Variants in ZBTB7C observed in about 807,000 individuals in gnomAD.
The protein encoded by ZBTB7C is zinc finger and BTB domain-containing protein 7C.
In ZBTB7C, 8 loss-of-function variants were observed where a neutral mutation model predicts 25.7. The observed-to-expected ratio is 0.31, with a 90% CI of 0.18 to 0.56. ZBTB7C has a LOEUF of 0.56. ZBTB7C is among the 20% of genes least tolerant of loss of function. The pLI is 0.91. For missense variants in ZBTB7C, 824 were observed against 855.2 expected (o/e 0.96, Z 0.46); for synonymous variants, 394 against 369.0 (o/e 1.07, Z -0.78).
At chr18:48,129,565 T>A (rs891824165) in intron 3 of ZBTB7C, among the ~76,000 whole-genome samples, 1 of 151,050 alleles carries the variant, frequency 6.6e-6, no homozygotes, top group Non-Finnish European at 1.5e-5. Flanking sequence ...ACTTCAAGGT[T>A]TTTCCTTCTA....
intron 1 of ZBTB7C, among the ~76,000 whole-genome samples, chr18:48,344,132 C>A (rs2046669652): frequency 6.6e-6 from 1 of 152,166 alleles, no homozygotes; most frequent in East Asian, 1.9e-4. Flanking sequence ...TGCAGGCACA[C>A]ACCTCCACAC....
At chr18:48,158,093 C>A (rs2040891729) in intron 3 of ZBTB7C, among the ~76,000 whole-genome samples, 1 of 152,070 alleles carries the variant, frequency 6.6e-6, no homozygotes, top group African/African-American at 2.4e-5. Flanking sequence ...CTGTGCCAAG[C>A]AGGAACAAAA....
At chr18:48,245,090 G>GTGTGTATATATATATA (rs2043639896) in intron 2 of ZBTB7C, among the ~76,000 whole-genome samples, 1 of 110,252 alleles carries the variant, frequency 9.1e-6, no homozygotes, top group Non-Finnish European at 1.7e-5. Context: ...GTGTGTGTGT[G>GTGTGTATATATATATA]TGTATATATA....
intron 3 of ZBTB7C, among the ~76,000 whole-genome samples, chr18:48,061,457 C>T (rs1269844594): frequency 1.3e-5 from 2 of 152,150 alleles, no homozygotes; most frequent in African/African-American, 4.8e-5. Context: ...TCCACTAGTC[C>T]TGAACACTCA....
At chr18:48,263,897 T>A (rs754200622) in intron 2 of ZBTB7C, among the ~76,000 whole-genome samples, 2 of 152,088 alleles carry the variant, frequency 1.3e-5, no homozygotes, top group Non-Finnish European at 2.9e-5. Flanking sequence ...GCCCCCCAAA[T>A]GGAGTTAATA....
At chr18:48,130,640 A>G (rs2045912842) in intron 3 of ZBTB7C, among the ~76,000 whole-genome samples, 1 of 152,198 alleles carries the variant, frequency 6.6e-6, no homozygotes. Flanking sequence ...TCAGCAGCAG[A>G]AGCCCCCTTT....
At chr18:48,406,214 C>T (rs2048278272) in intron 1 of ZBTB7C, among the ~76,000 whole-genome samples, 1 of 152,136 alleles carries the variant, frequency 6.6e-6, no homozygotes, top group African/African-American at 2.4e-5. Flanking sequence ...GGGAGGACAA[C>T]TGCCCACCCT....
chr18:48,070,234 A>G (rs551924758), intron 3 of ZBTB7C, among the ~76,000 whole-genome samples: 3 of 152,222 alleles, frequency 2.0e-5, no homozygotes, highest in African/African-American at 4.8e-5. Flanking sequence ...GTCAGCCACA[A>G]TGAGTTCACA....
chr18:48,137,101 G>C (rs565373805), intron 3 of ZBTB7C: 6 of 985,350 alleles, frequency 6.1e-6, no homozygotes, highest in East Asian at 1.1e-4. Flanking sequence ...CGCTGCTCGC[G>C]GGAGCCTGCC....
chr18:48,077,446 T>A (rs2037814216), intron 3 of ZBTB7C, among the ~76,000 whole-genome samples: 1 of 152,084 alleles, frequency 6.6e-6, no homozygotes, highest in Non-Finnish European at 1.5e-5. Flanking sequence ...AACCCTGCAA[T>A]AAACGCACAA....
At chr18:48,069,763 C>A (rs1169500619) in intron 3 of ZBTB7C, among the ~76,000 whole-genome samples, 1 of 152,138 alleles carries the variant, frequency 6.6e-6, no homozygotes, top group African/African-American at 2.4e-5. Context: ...CTGAGTGGAG[C>A]AGAGGAAGGG....
intron 3 of ZBTB7C, among the ~76,000 whole-genome samples, chr18:48,124,651 G>C (rs2039740989): frequency 6.6e-6 from 1 of 152,152 alleles, no homozygotes; most frequent in African/African-American, 2.4e-5. Flanking sequence ...CTCACCCTCA[G>C]GTAGCTGAGA....
At chr18:48,058,473 T>C (rs8099154) in intron 3 of ZBTB7C, among the ~76,000 whole-genome samples, 5 of 152,114 alleles carry the variant, frequency 3.3e-5, no homozygotes, top group African/African-American at 9.7e-5. Flanking sequence ...GTCCATTCTC[T>C]TTTCTGCATT....
intron 3 of ZBTB7C, chr18:48,180,370 C>A (rs2041882437): frequency 2.2e-6 from 1 of 456,336 alleles, no homozygotes; most frequent in Admixed American, 2.4e-5. Flanking sequence ...AAAATCACAC[C>A]ATTCGCTGGT....
chr18:48,235,119 T>A (rs1234827960), intron 2 of ZBTB7C, among the ~76,000 whole-genome samples: 1 of 152,224 alleles, frequency 6.6e-6, no homozygotes. Context: ...TAATCCAATC[T>A]GACCAATCTC....
At chr18:48,064,804 C>A (rs773287634) in intron 3 of ZBTB7C, among the ~76,000 whole-genome samples, 1 of 152,044 alleles carries the variant, frequency 6.6e-6, no homozygotes, top group Non-Finnish European at 1.5e-5. Flanking sequence ...AAGGCAGGGC[C>A]CCCCGGGAGG....
intron 2 of ZBTB7C, among the ~76,000 whole-genome samples, chr18:48,241,610 G>C (rs1483741929): frequency 6.6e-6 from 1 of 152,100 alleles, no homozygotes; most frequent in Non-Finnish European, 1.5e-5. Flanking sequence ...ATGATTGTTG[G>C]TACAACAATG....
At chr18:48,066,065 T>A (rs1479134224) in intron 3 of ZBTB7C, among the ~76,000 whole-genome samples, 1 of 152,226 alleles carries the variant, frequency 6.6e-6, no homozygotes, top group Non-Finnish European at 1.5e-5. Flanking sequence ...TGTCTCTGCA[T>A]GTGGTATCTG....
At chr18:48,156,260 C>A (rs997846093) in intron 3 of ZBTB7C, among the ~76,000 whole-genome samples, 1 of 152,182 alleles carries the variant, frequency 6.6e-6, no homozygotes, top group Non-Finnish European at 1.5e-5. Flanking sequence ...CCACGTGACA[C>A]GGCATGGCGA....
Sources: allele counts gnomAD v4.1 joint callset (sites outside exome capture counted in the v4.1 genomes callset), GRCh38; gene constraint gnomAD v4.1.1; transcripts MANE v1.5; gene names NCBI Gene and HGNC (gene_info 2026-07-23, HGNC 2026-07-21).